ACYP2: variants seen among roughly 807,000 people sequenced by gnomAD.
ACYP2 encodes the protein acylphosphatase-2.
In ACYP2, 12 loss-of-function variants were observed where a neutral mutation model predicts 11.2. That is an observed-to-expected ratio of 1.08 (90% CI 0.69 to 1.74). ACYP2 has a LOEUF of 1.74. Among genes scored for constraint, ACYP2 ranks in the 40% most tolerant of loss-of-function variants. The probability of loss-of-function intolerance (pLI) is 0.00; values close to 1 mark genes in which losing one functional copy is unlikely to be tolerated. For missense variants in ACYP2, 134 were observed against 101.9 expected (o/e 1.31, Z -1.35); for synonymous variants, 43 against 32.2 (o/e 1.33, Z -1.13).
intron 6 of ACYP2, among the ~76,000 whole-genome samples, chr2:54,213,246 C>A (rs1349676609): frequency 2.0e-5 from 3 of 152,124 alleles, no homozygotes; most frequent in African/African-American, 7.2e-5. Flanking sequence ...CAGTTCTATC[C>A]ATGTTGCTGC....
chr2:54,095,749 C>T (rs1197529980), intron 4 of ACYP2, among the ~76,000 whole-genome samples: 1 of 121,936 alleles, frequency 8.2e-6, no homozygotes. Flanking sequence ...GCAGAGGCGC[C>T]CCTCACCTCC....
chr2:54,271,321 G>A (rs1283529451), intron 6 of ACYP2, among the ~76,000 whole-genome samples: 1 of 152,220 alleles, frequency 6.6e-6, no homozygotes, highest in Non-Finnish European at 1.5e-5. Flanking sequence ...CATGTGGCCA[G>A]AGGTCACAAG....
chr2:54,039,820 TG>T (rs1277868879), intron 2 of ACYP2, among the ~76,000 whole-genome samples: 3 of 7,032 alleles, frequency 4.3e-4, no homozygotes, highest in Admixed American at 4.6e-3. Flanking sequence ...TGTTTTCTTT[TG>T]TGTGTGTGTG....
In ACYP2 at chr2:53,980,422, A is replaced by C. The variant is rs1181499272; in HGVS notation, c.62+6612A>C. 3.3e-5 allele frequency among the ~76,000 whole-genome samples: 5 copies of C among 152,070 alleles called. No individual in the cohort carries two copies. In the East Asian group the frequency reaches 9.7e-4, roughly 29 times the overall value. ...AGCTAAATTTAATTTATTATTGAAG[A>C]AAGAAAATATTGAGTCCAGGAGCTG... On this transcript the variant is annotated intron_variant, in intron 2 of 6. Coordinates refer to ENST00000607452, the MANE Select transcript of ACYP2 (RefSeq NM_001320586.2).
At chr2:54,287,595 G>C (rs1266355390) in intron 6 of ACYP2, among the ~76,000 whole-genome samples, 1 of 151,906 alleles carries the variant, frequency 6.6e-6, no homozygotes, top group Non-Finnish European at 1.5e-5. Flanking sequence ...ACATACCTTT[G>C]GATCCCTGTG....
At chr2:54,006,394 G>A (rs1022517237) in intron 2 of ACYP2, among the ~76,000 whole-genome samples, 2 of 152,018 alleles carry the variant, frequency 1.3e-5, no homozygotes, top group Admixed American at 6.6e-5. Flanking sequence ...TGATCCACCC[G>A]CCTCGGCCTC....
intron 2 of ACYP2, among the ~76,000 whole-genome samples, chr2:53,989,965 C>CCTTTT (rs199789979): frequency 0.074 from 10,619 of 144,000 alleles, 611 homozygotes; most frequent in East Asian, 0.27. Flanking sequence ...TTACATAAAC[C>CCTTTT]CTTTTCTTTT....
At chr2:54,141,036 T>A (rs1572846404) in intron 6 of ACYP2, among the ~76,000 whole-genome samples, 1 of 152,230 alleles carries the variant, frequency 6.6e-6, no homozygotes, top group East Asian at 1.9e-4. Context: ...TTGCTGTAAT[T>A]TGCATTTCTC....
At chr2:54,013,739 AAAAAGAG>A (rs915032867) in intron 2 of ACYP2, among the ~76,000 whole-genome samples, 6 of 144,764 alleles carry the variant, frequency 4.1e-5, no homozygotes, top group Admixed American at 4.1e-4. Context: ...GAAAAAAAAA[AAAAAGAG>A]AGAGAGAGGT....
chr2:54,250,232 A>C (rs760001674), intron 6 of ACYP2, among the ~76,000 whole-genome samples: 34 of 152,172 alleles, frequency 2.2e-4, no homozygotes, highest in Admixed American at 3.9e-4. Flanking sequence ...TAATCCCAGC[A>C]CTTTGGGAGG....
chr2:54,057,761 G>C (rs932884229), intron 4 of ACYP2, among the ~76,000 whole-genome samples: 1 of 152,138 alleles, frequency 6.6e-6, no homozygotes, highest in African/African-American at 2.4e-5. Context: ...TTGGCAGTTT[G>C]TAAGGTGAAT....
At chr2:54,040,297 G>C (rs1040092374) in intron 2 of ACYP2, among the ~76,000 whole-genome samples, 1 of 152,208 alleles carries the variant, frequency 6.6e-6, no homozygotes, top group East Asian at 1.9e-4. Context: ...TTGGTGGTAG[G>C]GCAGTGACAA....
At chr2:54,269,656 C>T (rs1312719519) in intron 6 of ACYP2, among the ~76,000 whole-genome samples, 9 of 152,176 alleles carry the variant, frequency 5.9e-5, no homozygotes, top group Non-Finnish European at 1.3e-4. Context: ...CCATTTGGCA[C>T]TAATATCCCT....
chr2:54,101,541 C>T lies in ACYP2; in HGVS notation c.278-33912C>T, dbSNP rs189795804. ...AAAATTAGCTGGGTATGGTGGAGCGCGCCTGTAATCCAATTCCAGCTACTC... is the reference window on the plus strand; with the variant it reads ...AAAATTAGCTGGGTATGGTGGAGCGTGCCTGTAATCCAATTCCAGCTACTC... On this transcript the variant is annotated intron_variant, in intron 4 of 6. Coordinates refer to ENST00000607452, the MANE Select transcript of ACYP2 (RefSeq NM_001320586.2). 2.3e-3 allele frequency among the ~76,000 whole-genome samples: 344 copies of T among 152,046 alleles called. 1 individual carries two copies. The highest frequency in any genetic ancestry group is 7.5e-3 in the African/African-American group (312 of 41,468).
chr2:54,115,755 G>C (rs762829593), intron 4 of ACYP2: 2 of 1,607,262 alleles, frequency 1.2e-6, no homozygotes, highest in Non-Finnish European at 1.7e-6. Context: ...GAAGAGTGCA[G>C]GGTAGGAGGC....
At chr2:54,026,711 G>T (rs61129149) in intron 2 of ACYP2, among the ~76,000 whole-genome samples, 58 of 152,288 alleles carry the variant, frequency 3.8e-4, no homozygotes, top group African/African-American at 1.4e-3. Flanking sequence ...CTATACCATA[G>T]AATTCTACTC....
chr2:54,138,186 T>TC (rs1249909025), intron 5 of ACYP2, among the ~76,000 whole-genome samples: 2 of 152,208 alleles, frequency 1.3e-5, no homozygotes, highest in Non-Finnish European at 2.9e-5. Context: ...CGAAGTGTTG[T>TC]AGTCTCTATT....
intron 4 of ACYP2, among the ~76,000 whole-genome samples, chr2:54,095,830 C>T (rs1255143758): frequency 2.0e-5 from 2 of 100,522 alleles, no homozygotes; most frequent in Admixed American, 8.9e-5. Context: ...GCTGGCCGGG[C>T]AGAGGGGCTC....
chr2:54,172,154 G>A (rs577980397), intron 6 of ACYP2, among the ~76,000 whole-genome samples: 1 of 152,212 alleles, frequency 6.6e-6, no homozygotes, highest in East Asian at 1.9e-4. Flanking sequence ...GGAGTTTGAG[G>A]CTGCAGTGAG....
Sources: allele counts gnomAD v4.1 joint callset (sites outside exome capture counted in the v4.1 genomes callset), GRCh38; gene constraint gnomAD v4.1.1; transcripts MANE v1.5; gene names NCBI Gene and HGNC (gene_info 2026-07-23, HGNC 2026-07-21).